The following SIPA1L3 variants were observed in gnomAD, a reference collection of about 807,000 sequenced individuals.
SIPA1L3 encodes signal induced proliferation associated 1 like 3, also known as signal-induced proliferation-associated 1-like protein 3.
A neutral mutation model predicts 150.1 loss-of-function variants in SIPA1L3; 59 were observed. The ratio of observed to expected loss-of-function variants is 0.39; its 90% CI spans 0.32 to 0.49. The LOEUF is 0.49. Ranked by LOEUF, SIPA1L3 falls within the 20% of genes least tolerant of loss-of-function variation. SIPA1L3 has a pLI of 0.86. For missense variants in SIPA1L3, 2,211 were observed against 2,489.5 expected, an observed-to-expected ratio of 0.89 and a Z score of 2.38; for synonymous variants, 1,070 against 1,077.6, an observed-to-expected ratio of 0.99 and a Z score of 0.14.
chr19:38,038,199 A>G (rs1271685153), intron 2 of SIPA1L3, among the ~76,000 whole-genome samples: 1 of 152,036 alleles, frequency 6.6e-6, no homozygotes, highest in African/African-American at 2.4e-5. Context: ...TACGGTTTGG[A>G]GGTAGAGTGG....
chr19:38,082,178 ACCTCGTC>A lies in SIPA1L3; in HGVS notation c.615_621del (p.Ser207ThrfsTer14). The A allele has an allele frequency of 6.2e-7, 1 of 1,604,604 alleles. No homozygotes were observed. The highest frequency in any genetic ancestry group is 8.5e-7 in the Non-Finnish European group (1 of 1,179,742). On this transcript the variant is annotated frameshift_variant, in exon 3 of 22. Coordinates refer to ENST00000222345, the MANE Select transcript of SIPA1L3 (RefSeq NM_015073.3). LOFTEE classifies it high-confidence loss of function. ...GCCCCTCTTCCGCGAGTACGGGAGC[ACCTCGTC>A]CATCGACGTGCAGGGCATGCCCGAG...
intron 1 of SIPA1L3, among the ~76,000 whole-genome samples, chr19:37,969,126 A>G (rs961820419): frequency 1.3e-5 from 2 of 152,170 alleles, no homozygotes; most frequent in Non-Finnish European, 2.9e-5. Flanking sequence ...TTCAGCTACT[A>G]GGGAGGCTGT....
intron 1 of SIPA1L3, among the ~76,000 whole-genome samples, chr19:38,014,194 A>G (rs1599904826): frequency 6.6e-6 from 1 of 152,212 alleles, no homozygotes; most frequent in Admixed American, 6.5e-5. Context: ...GTAAATGCTC[A>G]CCTGGGCCTC....
rs147382331 is a variant in SIPA1L3, at chr19:38,073,163, C to T, written c.-310-8093C>T. Among the ~76,000 whole-genome samples the T allele has an allele frequency of 1.2e-3, 188 of 152,330 alleles. No homozygotes were observed. The Middle Eastern group carries it at 0.014, about 11-fold the overall frequency. ...ATTCTCCTTCCTGATTAGGGTCAGA[C>T]CGGTGCCCTCACCATTCCTATCTTT... is the stretch of plus-strand genomic sequence containing the variant. On this transcript the variant is annotated intron_variant, in intron 2 of 21. Transcript: ENST00000222345.
At chr19:38,092,076 AAAAG>A (rs1970271517) in intron 4 of SIPA1L3, among the ~76,000 whole-genome samples, 1 of 151,598 alleles carries the variant, frequency 6.6e-6, no homozygotes, top group Non-Finnish European at 1.5e-5. Flanking sequence ...AAAAAAAAAA[AAAAG>A]AAAATACAAT....
chr19:37,997,831 A>AC (rs1406500516), intron 1 of SIPA1L3, among the ~76,000 whole-genome samples: 26 of 148,858 alleles, frequency 1.7e-4, no homozygotes, highest in South Asian at 4.2e-4. Context: ...GTGCCACTTC[A>AC]CTCCAGCCTG....
intron 7 of SIPA1L3, among the ~76,000 whole-genome samples, chr19:38,107,384 G>C (rs763587349): frequency 6.6e-6 from 1 of 152,174 alleles, no homozygotes; most frequent in Non-Finnish European, 1.5e-5. Flanking sequence ...GGTTGGGGAG[G>C]TGCTTTCCTG....
chr19:37,924,271 T>C (rs563749532), intron 1 of SIPA1L3, among the ~76,000 whole-genome samples: 1 of 152,252 alleles, frequency 6.6e-6, no homozygotes, highest in East Asian at 1.9e-4. Context: ...CACAGGATCA[T>C]TAGTATCACT....
intron 1 of SIPA1L3, among the ~76,000 whole-genome samples, chr19:37,914,083 T>C (rs1568461897): frequency 6.7e-6 from 1 of 148,348 alleles, no homozygotes. Context: ...TTAACTGTGA[T>C]GGAGAAAATT....
intron 8 of SIPA1L3, among the ~76,000 whole-genome samples, chr19:38,116,672 AC>A (rs1970892601): frequency 6.6e-6 from 1 of 150,406 alleles, no homozygotes; most frequent in Non-Finnish European, 1.5e-5. Context: ...ACATAGTGAA[AC>A]CCCATCCCCA....
intron 15 of SIPA1L3, among the ~76,000 whole-genome samples, chr19:38,176,964 T>G (rs1972448199): frequency 6.7e-6 from 1 of 148,954 alleles, no homozygotes; most frequent in African/African-American, 2.5e-5. Context: ...AGAGTGAAAC[T>G]CCGTCTCAAA....
chr19:38,000,897 TATATATATATATAAC>T (rs1212417843), intron 1 of SIPA1L3, among the ~76,000 whole-genome samples: 8 of 58,678 alleles, frequency 1.4e-4, no homozygotes, highest in African/African-American at 6.2e-4. Flanking sequence ...ATATATGTTA[TATATATATATATAAC>T]ATATATATAA....
chr19:37,970,567 G>A (rs7258680), intron 1 of SIPA1L3, among the ~76,000 whole-genome samples: 10,028 of 150,358 alleles, frequency 0.067, 432 homozygotes, highest in East Asian at 0.12. Context: ...TTCTTTCTTC[G>A]CACTAAAGCC....
chr19:38,084,415 C>T (rs1445188966), intron 3 of SIPA1L3, among the ~76,000 whole-genome samples: 2 of 151,922 alleles, frequency 1.3e-5, no homozygotes, highest in Non-Finnish European at 2.9e-5. Context: ...GGCATAAATG[C>T]GTTAAAGAGC....
chr19:38,078,429 C>T (rs1055274213), intron 2 of SIPA1L3, among the ~76,000 whole-genome samples: 8 of 146,702 alleles, frequency 5.5e-5, no homozygotes, highest in African/African-American at 1.8e-4. Flanking sequence ...CCTACACATG[C>T]GCATACATGC....
At position 38,072,518 on chromosome 19, in the gene SIPA1L3, T is replaced by C. The variant is rs571412954; in HGVS notation, c.-310-8738T>C. ...CCCAGTCCCCTTCACAGATAGTTCT[T>C]CTCCCATGGTTACGAGACAGCTGCA... On this transcript the variant is annotated intron_variant, in intron 2 of 21. Transcript: ENST00000222345. 2.0e-5 allele frequency among the ~76,000 whole-genome samples: 3 copies of C among 152,330 alleles called. No homozygotes were observed. The East Asian group carries it at 5.8e-4, about 29-fold the overall frequency.
At position 37,946,143 on chromosome 19, in the gene SIPA1L3, G is replaced by A. The variant is rs190615633; in HGVS notation, c.-379+38785G>A. Reference sequence around the variant, plus strand: ...GCACTCCAACCTGGGGGACAACAGCGAGACTTTGTCTCAAAAAAAAAAAAT... The same window carrying A: ...GCACTCCAACCTGGGGGACAACAGCAAGACTTTGTCTCAAAAAAAAAAAAT... On this transcript the variant is annotated intron_variant, in intron 1 of 21. Transcript: ENST00000222345. Among the ~76,000 whole-genome samples the A allele has an allele frequency of 8.5e-4, 128 of 150,150 alleles. 1 individual carries two copies. In the East Asian group the frequency reaches 0.022, roughly 26 times the overall value.
chr19:38,082,485 G>T lies in SIPA1L3; in HGVS notation c.920G>T (p.Ser307Ile). 1 of 1,593,242 alleles carries T rather than the reference G, an allele frequency of 6.3e-7. No individual in the cohort carries two copies. Among genetic ancestry groups the T allele is most frequent in the Non-Finnish European group, 8.6e-7 (1 of 1,169,344 alleles). Residue 307 changes from serine to isoleucine, a missense_variant, in exon 3 of 22, where the codon AGC (serine) becomes ATC (isoleucine). This residue lies in a region of SIPA1L3 where 587 missense variants were observed against 534.5 expected (regional missense o/e 1.10). Coordinates refer to ENST00000222345, the MANE Select transcript of SIPA1L3 (RefSeq NM_015073.3). ...VDSSIFRKLR[S>I]SKPEGEAGRS... is the part of the protein sequence containing the mutation. The stretch of plus-strand genomic sequence containing the variant: ...TCGTCCATCTTTCGGAAGCTAAGGA[G>T]CAGCAAACCCGAGGGGGAGGCTGGG...
Position 38,152,956 on chromosome 19 carries a change from G to C in SIPA1L3, c.3650G>C (p.Arg1217Pro). 6.2e-7 allele frequency: 1 copy of C among 1,612,294 alleles called. No homozygotes were observed. Among genetic ancestry groups the C allele is most frequent in the Non-Finnish European group, 8.5e-7 (1 of 1,179,350 alleles). ...GLTSQESTME[R>P]QKPEPLWHVP... is the part of the protein sequence containing the mutation. ...ACCAGCCAGGAGAGCACCATGGAAC[G>C]CCAGAAGCCAGGTAGGGCCCCCACC... Residue 1217 changes from arginine to proline, a missense_variant, in exon 13 of 22, where the codon CGC becomes CCC. By Grantham distance (103) the Arg-to-Pro change is moderately radical. Coordinates refer to ENST00000222345, the MANE Select transcript of SIPA1L3 (RefSeq NM_015073.3).
Sources: allele counts gnomAD v4.1 joint callset (sites outside exome capture counted in the v4.1 genomes callset), GRCh38; gene constraint gnomAD v4.1.1; regional missense constraint gnomAD v4.1.1; transcripts MANE v1.5; gene names NCBI Gene and HGNC (gene_info 2026-07-23, HGNC 2026-07-21).